The following LRRK1 variants were observed in gnomAD, a reference collection of about 807,000 sequenced individuals.
LRRK1 encodes the protein leucine rich repeat kinase 1, also known as leucine-rich repeat serine/threonine-protein kinase 1.
Under a neutral mutation model 209.1 loss-of-function variants are expected in LRRK1, and 113 were observed. That is an observed-to-expected ratio of 0.54 (90% confidence interval 0.46 to 0.63). LRRK1 has a LOEUF of 0.63. Ranked by LOEUF, LRRK1 falls within the 30% of genes least tolerant of loss-of-function variation. The pLI, the probability that LRRK1 is intolerant of heterozygous loss-of-function variation, is 0.00. For missense variants in LRRK1, 2,284 were observed against 2,632.2 expected (o/e 0.87, Z 2.89); for synonymous variants, 1,144 against 1,099.7 (o/e 1.04, Z -0.80).
intron 6 of LRRK1, among the ~76,000 whole-genome samples, chr15:100,996,033 T>G (rs1401962175): frequency 6.6e-6 from 1 of 152,180 alleles, no homozygotes; most frequent in Non-Finnish European, 1.5e-5. Flanking sequence ...AGGCAGGCGT[T>G]TTACTGGGGC....
chr15:100,953,537 C>T (rs1434988019), intron 2 of LRRK1, among the ~76,000 whole-genome samples: 1 of 146,990 alleles, frequency 6.8e-6, no homozygotes, highest in Admixed American at 6.8e-5. Flanking sequence ...TATATATACA[C>T]ACATATGTAT....
At position 100,948,016 on chromosome 15, in the gene LRRK1, C is replaced by T. The variant is rs144239407; in HGVS notation, c.97+23287C>T. Among the ~76,000 whole-genome samples the T allele has an allele frequency of 6.0e-4, 91 of 152,322 alleles. 3 individuals are homozygous for T. The East Asian group carries it at 0.013, about 22-fold the overall frequency. ...AGACAGTTGCTTGACAAGGCATCCA[C>T]GGGGAATTCCACTGAAAGCACACAG... On this transcript the variant is annotated intron_variant, in intron 2 of 33. Coordinates refer to ENST00000388948, the MANE Select transcript of LRRK1 (RefSeq NM_024652.6).
intron 29 of LRRK1, among the ~76,000 whole-genome samples, chr15:101,059,198 T>C (rs1181246951): frequency 6.6e-6 from 1 of 152,156 alleles, no homozygotes; most frequent in Non-Finnish European, 1.5e-5. Context: ...GAGACCAGTC[T>C]AGGAAACATG....
intron 2 of LRRK1, among the ~76,000 whole-genome samples, chr15:100,956,463 T>TTC (rs1567199366): frequency 7.6e-6 from 1 of 131,566 alleles, no homozygotes; most frequent in African/African-American, 2.9e-5. Flanking sequence ...TTCTTTTTTT[T>TTC]TTTTTTTTTT....
intron 6 of LRRK1, among the ~76,000 whole-genome samples, chr15:100,998,894 G>A (rs1487234733): frequency 6.6e-6 from 1 of 152,162 alleles, no homozygotes; most frequent in East Asian, 1.9e-4. Flanking sequence ...ACAGGTGGGT[G>A]GGTGGATAGA....
At chr15:100,952,784 A>G (rs12441903) in intron 2 of LRRK1, among the ~76,000 whole-genome samples, 17,862 of 152,278 alleles carry the variant, frequency 0.12, 1,570 homozygotes, top group East Asian at 0.42. Context: ...GTGATTAACC[A>G]GACAATTAAC....
intron 2 of LRRK1, among the ~76,000 whole-genome samples, chr15:100,941,370 G>C (rs866937925): frequency 2.7e-5 from 2 of 73,014 alleles, no homozygotes; most frequent in South Asian, 4.7e-4. Flanking sequence ...GTGTGTGCCT[G>C]TATGTGTGTG....
intron 2 of LRRK1, among the ~76,000 whole-genome samples, chr15:100,927,220 C>T (rs1048210365): frequency 5.9e-5 from 9 of 152,114 alleles, no homozygotes; most frequent in African/African-American, 1.4e-4. Context: ...TCCCAGGGAC[C>T]GGGGCGCAAT....
chr15:101,074,330 C>T lies in LRRK1; in HGVS notation c.*5482C>T, dbSNP rs529947092. On this transcript the variant is annotated 3_prime_UTR_variant, in exon 34 of 34. Transcript: ENST00000388948. ...CCCGGTCCGGCTTACAGTTTCCTTCCGTGACTAGCCCTCCCCTACCTGCCC... is the reference window on the plus strand; with the variant it reads ...CCCGGTCCGGCTTACAGTTTCCTTCTGTGACTAGCCCTCCCCTACCTGCCC... The T allele has an allele frequency of 5.9e-5, 9 of 151,906 alleles. No individual in the cohort carries two copies. The highest frequency in any genetic ancestry group is 3.9e-4 in the East Asian group (2 of 5,180). The allele number at this position is 151,906 out of a possible 1,614,324, so 9.4% of individuals were successfully genotyped here. A position where few individuals can be genotyped will look rare whatever the true frequency, so the allele number is the denominator to read the frequency against.
chr15:100,997,912 G>T (rs529375445), intron 6 of LRRK1, among the ~76,000 whole-genome samples: 1 of 152,324 alleles, frequency 6.6e-6, no homozygotes, highest in South Asian at 2.1e-4. Context: ...GGGTGCGGTG[G>T]CTCACGCCTA....
Position 100,975,780 on chromosome 15 carries a change from C to G in LRRK1, c.261+1813C>G, listed in dbSNP as rs527705676. On this transcript the variant is annotated intron_variant, in intron 3 of 33. Transcript: ENST00000388948. ...AATAACATAATTTTCAAAAGGGCAG[C>G]AGGACATGGAAACAGCAAAATAAAG... 6.6e-5 allele frequency among the ~76,000 whole-genome samples: 10 copies of G among 152,144 alleles called. No individual in the cohort carries two copies. In the South Asian group the frequency reaches 2.1e-3, roughly 32 times the overall value.
At chr15:100,961,203 G>A (rs1596202092) in intron 2 of LRRK1, among the ~76,000 whole-genome samples, 1 of 152,152 alleles carries the variant, frequency 6.6e-6, no homozygotes, top group Non-Finnish European at 1.5e-5. Context: ...GCTGGCTCAG[G>A]TCTCTTTTCC....
At chr15:100,934,626 CAAAAAAAA>C (rs71151991) in intron 2 of LRRK1, among the ~76,000 whole-genome samples, 2 of 72,378 alleles carry the variant, frequency 2.8e-5, no homozygotes, top group Non-Finnish European at 2.6e-5. Context: ...CCCATCTCTA[CAAAAAAAA>C]AAAAAAAAAA....
At chr15:100,932,131 A>G (rs1292007372) in intron 2 of LRRK1, among the ~76,000 whole-genome samples, 1 of 152,128 alleles carries the variant, frequency 6.6e-6, no homozygotes, top group Non-Finnish European at 1.5e-5. Context: ...GATTACAGGC[A>G]CTCGCCACCA....
intron 10 of LRRK1, 145 bp downstream of exon 10, chr15:101,012,290 T>C (rs2033290774): frequency 2.5e-6 from 2 of 796,074 alleles, no homozygotes; most frequent in Non-Finnish European, 4.1e-6. Flanking sequence ...ATCAAAAATA[T>C]GCATGGCCAC....
chr15:100,950,906 A>C (rs145441051), intron 2 of LRRK1, among the ~76,000 whole-genome samples: 2,037 of 152,274 alleles, frequency 0.013, 44 homozygotes, highest in African/African-American at 0.046. Flanking sequence ...GATCGAGACC[A>C]TCCTGGCTAA....
intron 2 of LRRK1, among the ~76,000 whole-genome samples, chr15:100,939,997 A>G (rs999362776): frequency 6.6e-6 from 1 of 152,120 alleles, no homozygotes; most frequent in Non-Finnish European, 1.5e-5. Context: ...ATCTTTTGGC[A>G]TGACCCCAGA....
intron 10 of LRRK1, 109 bp from the exon 11 acceptor site, chr15:101,014,207 T>C: frequency 1.3e-6 from 1 of 753,354 alleles, no homozygotes; most frequent in Non-Finnish European, 2.2e-6. Flanking sequence ...GAAAATTGGT[T>C]GGAATCGTTT....
intron 30 of LRRK1, 31 bp downstream of exon 30, chr15:101,061,319 G>A (rs2036164466): frequency 2.0e-6 from 3 of 1,489,258 alleles, no homozygotes; most frequent in Non-Finnish European, 2.8e-6. Context: ...TGCCCACCGA[G>A]GTAAGCACTG....
Sources: gnomAD v4.1 joint callset for allele counts (sites outside exome capture counted in the v4.1 genomes callset) on GRCh38, gnomAD v4.1.1 for gene constraint, MANE v1.5 for transcripts, NCBI Gene and HGNC (gene_info 2026-07-23, HGNC 2026-07-21) for gene names.